The following NYAP2 variants were observed in gnomAD, a reference collection of about 807,000 sequenced individuals.
NYAP2 encodes the protein neuronal tyrosine-phosphorylated phosphoinositide-3-kinase adaptor 2, also known as neuronal tyrosine-phosphorylated phosphoinositide-3-kinase adapter 2.
NYAP2 carries 23 observed loss-of-function variants against 50.4 expected under a neutral mutation model. The observed-to-expected ratio is 0.46, with a 90% CI of 0.33 to 0.65. The LOEUF is 0.65. Among genes scored for constraint, NYAP2 ranks in the 30% least tolerant of loss-of-function variants. The pLI is 0.02. For missense variants in NYAP2, 885 were observed against 861.0 expected (o/e 1.03, Z -0.35); for synonymous variants, 394 against 365.2 (o/e 1.08, Z -0.90).
chr2:225,588,191 G>T (rs969939092), intron 5 of NYAP2, among the ~76,000 whole-genome samples: 3 of 152,118 alleles, frequency 2.0e-5, no homozygotes, highest in African/African-American at 7.2e-5. Context: ...TTCCCAAAGT[G>T]CTGGGATTAT....
chr2:225,477,579 G>C (rs1209070719), intron 3 of NYAP2, among the ~76,000 whole-genome samples: 1 of 152,068 alleles, frequency 6.6e-6, no homozygotes, highest in Admixed American at 6.5e-5. Flanking sequence ...TACTGATACT[G>C]CTGGTCTCTG....
chr2:225,694,305 T>A, the NYAP2 span, among the ~76,000 whole-genome samples: 1 of 151,870 alleles, frequency 6.6e-6, no homozygotes, highest in Non-Finnish European at 1.5e-5. Context: ...ACACATCTTT[T>A]TTTTTTCTTT....
At chr2:225,416,963 G>T (rs966308973) in intron 3 of NYAP2, among the ~76,000 whole-genome samples, 2 of 152,262 alleles carry the variant, frequency 1.3e-5, no homozygotes, top group South Asian at 4.1e-4. Flanking sequence ...GCCCGTTGGA[G>T]AATTTAAGGT....
chr2:225,530,209 C>A (rs1691230007), intron 4 of NYAP2, among the ~76,000 whole-genome samples: 1 of 152,080 alleles, frequency 6.6e-6, no homozygotes, highest in Non-Finnish European at 1.5e-5. Flanking sequence ...TGAATGTACC[C>A]CAGAGCAGTC....
chr2:225,506,199 A>T (rs1198491409), intron 3 of NYAP2, among the ~76,000 whole-genome samples: 3 of 152,156 alleles, frequency 2.0e-5, no homozygotes, highest in African/African-American at 7.2e-5. Context: ...ACTTACTTCC[A>T]TTACTCATTT....
At chr2:225,663,800 C>A in the NYAP2 span, among the ~76,000 whole-genome samples, 1 of 152,116 alleles carries the variant, frequency 6.6e-6, no homozygotes, top group Non-Finnish European at 1.5e-5. Flanking sequence ...TTGTGATCTG[C>A]CTGCCTCAGC....
chr2:225,677,230 A>G, the NYAP2 span, among the ~76,000 whole-genome samples: 1 of 151,778 alleles, frequency 6.6e-6, no homozygotes, highest in Non-Finnish European at 1.5e-5. Context: ...ATTGGTGTAT[A>G]AAAATGCTAC....
At chr2:225,409,283 C>G (rs1485783829) in intron 3 of NYAP2, among the ~76,000 whole-genome samples, 182 bp downstream of exon 3, 2 of 151,928 alleles carry the variant, frequency 1.3e-5, no homozygotes, top group Admixed American at 6.6e-5. Flanking sequence ...CAACAGCATC[C>G]TTAGTTAACA....
At chr2:225,703,286 T>C in the NYAP2 span, 2 of 151,798 alleles carry the variant, frequency 1.3e-5, no homozygotes, top group Non-Finnish European at 2.9e-5. Flanking sequence ...CATTCCAATA[T>C]AACATGTTTA....
exon 3 of NYAP2, chr2:225,408,972 A>G: frequency 1.2e-6 from 2 of 1,612,398 alleles, no homozygotes; most frequent in Non-Finnish European, 1.7e-6. Context: ...ATGAAGGCCT[A>G]TGATGGCTTG....
intron 3 of NYAP2, among the ~76,000 whole-genome samples, chr2:225,412,133 AT>A (rs1695053024): frequency 6.7e-6 from 1 of 149,242 alleles, no homozygotes; most frequent in Non-Finnish European, 1.5e-5. Flanking sequence ...TAATTTTTGT[AT>A]TTTTAGTAGA....
At chr2:225,588,505 T>C (rs557786126) in intron 5 of NYAP2, among the ~76,000 whole-genome samples, 54 of 152,300 alleles carry the variant, frequency 3.5e-4, no homozygotes, top group Non-Finnish European at 6.5e-4. Flanking sequence ...ACCTAAAACA[T>C]CAAGCGTTGA....
chr2:225,518,546 A>ATATAAATTAGCTTGTGAGCT (rs1690978669), intron 4 of NYAP2, among the ~76,000 whole-genome samples: 1 of 74,302 alleles, frequency 1.3e-5, no homozygotes, highest in African/African-American at 5.0e-5. Flanking sequence ...ATATATATAT[A>ATATAAATTAGCTTGTGAGCT]TATATATATA....
chr2:225,471,702 T>C (rs950362824), intron 3 of NYAP2, among the ~76,000 whole-genome samples: 3 of 152,230 alleles, frequency 2.0e-5, no homozygotes, highest in African/African-American at 7.2e-5. Context: ...CTCCACGCAT[T>C]CCCTGTGAAA....
the NYAP2 span, among the ~76,000 whole-genome samples, chr2:225,681,944 C>G: frequency 6.6e-6 from 1 of 152,150 alleles, no homozygotes; most frequent in Non-Finnish European, 1.5e-5. Context: ...TGGAAGACCC[C>G]CGGCAGATTG....
chr2:225,588,527 C>G (rs1692430796), intron 5 of NYAP2, among the ~76,000 whole-genome samples: 1 of 152,186 alleles, frequency 6.6e-6, no homozygotes, highest in Non-Finnish European at 1.5e-5. Flanking sequence ...TATGAAGGAG[C>G]TGCTCCAACT....
intron 4 of NYAP2, among the ~76,000 whole-genome samples, chr2:225,566,542 A>C (rs892599828): frequency 2.6e-4 from 40 of 152,184 alleles, no homozygotes; most frequent in African/African-American, 8.4e-4. Context: ...GTTGAATCCA[A>C]ATTAATTGTG....
intron 2 of NYAP2, among the ~76,000 whole-genome samples, chr2:225,403,255 C>G (rs762434262): frequency 1.3e-5 from 2 of 151,910 alleles, no homozygotes; most frequent in Non-Finnish European, 2.9e-5. Flanking sequence ...ATAACTTCCT[C>G]ACAGCATTGA....
chr2:225,679,350 T>C, the NYAP2 span, among the ~76,000 whole-genome samples: 1 of 152,174 alleles, frequency 6.6e-6, no homozygotes, highest in Non-Finnish European at 1.5e-5. Flanking sequence ...GCAACAATAT[T>C]ACCTACAATG....
Sources: allele counts gnomAD v4.1 joint callset (sites outside exome capture counted in the v4.1 genomes callset), GRCh38; gene constraint gnomAD v4.1.1; transcripts MANE v1.5; gene names NCBI Gene and HGNC (gene_info 2026-07-23, HGNC 2026-07-21).